VTI1A: variants seen among roughly 807,000 people sequenced by gnomAD.
VTI1A encodes vesicle transport through interaction with t-SNAREs homolog 1A.
In VTI1A, 22 loss-of-function variants were observed where a neutral mutation model predicts 34.9. The ratio of observed to expected loss-of-function variants is 0.63; its 90% confidence interval spans 0.45 to 0.90. The LOEUF (loss-of-function observed/expected upper bound fraction) is 0.90, where lower values mean the gene tolerates loss of function less well. Among genes scored for constraint, VTI1A ranks in the 40% least tolerant of loss-of-function variants. The pLI, the probability that VTI1A is intolerant of heterozygous loss-of-function variation, is 0.00. For missense variants in VTI1A, 268 were observed against 275.6 expected (o/e 0.97, Z 0.20); for synonymous variants, 87 against 97.3 (o/e 0.89, Z 0.62).
chr10:112,776,816 T>G (rs1851967883), intron 7 of VTI1A, among the ~76,000 whole-genome samples: 1 of 151,856 alleles, frequency 6.6e-6, no homozygotes, highest in Admixed American at 6.6e-5. Flanking sequence ...TAGCTGGGAC[T>G]ACAAGTGCGC....
At chr10:112,778,131 T>A (rs543579118) in intron 7 of VTI1A, among the ~76,000 whole-genome samples, 1 of 151,952 alleles carries the variant, frequency 6.6e-6, no homozygotes, top group Non-Finnish European at 1.5e-5. Flanking sequence ...AGTGTATTGG[T>A]GATAGCAAGT....
chr10:112,628,867 GT>G (rs1846020798), intron 5 of VTI1A, among the ~76,000 whole-genome samples: 1 of 151,808 alleles, frequency 6.6e-6, no homozygotes, highest in Non-Finnish European at 1.5e-5. Context: ...TCCTCGCAGT[GT>G]TTTTTTAATG....
intron 3 of VTI1A, among the ~76,000 whole-genome samples, chr10:112,514,882 G>A (rs1849721692): frequency 2.0e-5 from 3 of 151,948 alleles, no homozygotes; most frequent in Non-Finnish European, 4.4e-5. Context: ...GGAGTATATC[G>A]TTTTTTGCAG....
chr10:112,800,663 T>C (rs1358048134), intron 7 of VTI1A, among the ~76,000 whole-genome samples: 1 of 152,210 alleles, frequency 6.6e-6, no homozygotes, highest in African/African-American at 2.4e-5. Flanking sequence ...GAGCGTTGAT[T>C]CTTTGGAGCG....
chr10:112,745,600 C>T (rs1196075672), intron 7 of VTI1A, among the ~76,000 whole-genome samples: 2 of 152,324 alleles, frequency 1.3e-5, no homozygotes, highest in East Asian at 1.9e-4. Flanking sequence ...TATCCCACTA[C>T]ATCCAAAGTA....
chr10:112,781,991 A>G (rs1005851878), intron 7 of VTI1A, among the ~76,000 whole-genome samples: 1 of 152,172 alleles, frequency 6.6e-6, no homozygotes, highest in African/African-American at 2.4e-5. Flanking sequence ...TCCTTCCAGC[A>G]TCTCCTTTCC....
intron 3 of VTI1A, among the ~76,000 whole-genome samples, chr10:112,497,573 T>C (rs1289253684): frequency 1.3e-5 from 2 of 152,214 alleles, no homozygotes; most frequent in Non-Finnish European, 2.9e-5. Context: ...TCAAAAGATA[T>C]ATTAGCTATT....
intron 3 of VTI1A, among the ~76,000 whole-genome samples, chr10:112,487,032 G>A (rs1003607057): frequency 1.3e-5 from 2 of 152,162 alleles, no homozygotes; most frequent in African/African-American, 4.8e-5. Flanking sequence ...AAAGGGAGAA[G>A]TGACCTCAGA....
intron 5 of VTI1A, among the ~76,000 whole-genome samples, chr10:112,583,498 A>C (rs1844032223): frequency 6.6e-6 from 1 of 152,184 alleles, no homozygotes; most frequent in South Asian, 2.1e-4. Flanking sequence ...TAACTATTCA[A>C]ATGCCTTGTG....
chr10:112,543,768 G>C (rs1372816022), intron 5 of VTI1A, among the ~76,000 whole-genome samples: 1 of 152,206 alleles, frequency 6.6e-6, no homozygotes, highest in Non-Finnish European at 1.5e-5. Context: ...CCTATGTCCT[G>C]AATGGTATTG....
intron 5 of VTI1A, chr10:112,548,788 C>G: frequency 1.3e-6 from 2 of 1,494,434 alleles, no homozygotes; most frequent in African/African-American, 2.8e-5. Context: ...CATGGGCTTG[C>G]CAGGAACCAT....
chr10:112,551,225 C>T (rs889077936), intron 5 of VTI1A, among the ~76,000 whole-genome samples: 1 of 122,176 alleles, frequency 8.2e-6, no homozygotes, highest in African/African-American at 3.3e-5. Flanking sequence ...GCCTGGGCGG[C>T]ACAGCGATAC....
intron 5 of VTI1A, among the ~76,000 whole-genome samples, chr10:112,580,300 C>T (rs1843875223): frequency 6.6e-6 from 1 of 152,118 alleles, no homozygotes; most frequent in Admixed American, 6.5e-5. Context: ...GAAGAGAGAA[C>T]TTCTGGAGAA....
chr10:112,770,949 TCTAAAG>T (rs1443471615), intron 7 of VTI1A, among the ~76,000 whole-genome samples: 2 of 152,156 alleles, frequency 1.3e-5, no homozygotes, highest in African/African-American at 4.8e-5. Flanking sequence ...AGGACTTATC[TCTAAAG>T]AATGTTCTAG....
chr10:112,464,457 GA>G (rs1159160027), intron 2 of VTI1A, 89 bp from the exon 3 acceptor site: 1 of 1,151,390 alleles, frequency 8.7e-7, no homozygotes, highest in African/African-American at 1.6e-5. Flanking sequence ...ACAAAATGAG[GA>G]ACTGGAATTA....
chr10:112,753,019 T>G (rs1023106208), intron 7 of VTI1A, among the ~76,000 whole-genome samples: 1 of 152,010 alleles, frequency 6.6e-6, no homozygotes, highest in African/African-American at 2.4e-5. Flanking sequence ...TGTATGTGTA[T>G]CTTACATAAA....
chr10:112,800,037 G>C (rs1852823231), intron 7 of VTI1A, among the ~76,000 whole-genome samples: 1 of 152,182 alleles, frequency 6.6e-6, no homozygotes, highest in Non-Finnish European at 1.5e-5. Context: ...GATGCAGGTG[G>C]CTGATAAGCC....
At chr10:112,455,669 T>C (rs57381306) in intron 1 of VTI1A, among the ~76,000 whole-genome samples, 9 of 56,110 alleles carry the variant, frequency 1.6e-4, no homozygotes, top group African/African-American at 2.8e-4. Context: ...CTTCCTCCCT[T>C]CCTTCCTTCC....
At chr10:112,797,410 C>A (rs76569056) in intron 7 of VTI1A, among the ~76,000 whole-genome samples, 20 of 152,194 alleles carry the variant, frequency 1.3e-4, no homozygotes, top group African/African-American at 4.8e-4. Flanking sequence ...AGGTCCATGT[C>A]GTTAAGACAA....
Sources: gnomAD v4.1 joint callset for allele counts (sites outside exome capture counted in the v4.1 genomes callset) on GRCh38, gnomAD v4.1.1 for gene constraint, MANE v1.5 for transcripts, NCBI Gene and HGNC (gene_info 2026-07-23, HGNC 2026-07-21) for gene names.